Variants in TRDN observed in about 807,000 individuals in gnomAD.
TRDN encodes triadin.
Under a neutral mutation model 149.7 loss-of-function variants are expected in TRDN, and 161 were observed. That is an observed-to-expected ratio of 1.08 (90% confidence interval 0.95 to 1.23). The LOEUF is 1.23. TRDN is among the 50% of genes most tolerant of loss of function. The pLI, the probability that TRDN is intolerant of heterozygous loss-of-function variation, is 0.00. For synonymous variants in TRDN, 294 were observed against 250.5 expected (o/e 1.17, Z -1.64); for missense variants, 896 against 823.5 (o/e 1.09, Z -1.08).
At chr6:123,440,137 T>C (rs1055067497) in intron 10 of TRDN, among the ~76,000 whole-genome samples, 4 of 152,172 alleles carry the variant, frequency 2.6e-5, no homozygotes, top group Non-Finnish European at 5.9e-5. Flanking sequence ...GTATAGAGCT[T>C]TTTTACCTAC....
intron 5 of TRDN, among the ~76,000 whole-genome samples, chr6:123,520,236 T>A (rs895557616): frequency 3.3e-5 from 5 of 152,156 alleles, no homozygotes; most frequent in Non-Finnish European, 7.4e-5. Flanking sequence ...TATTATATTA[T>A]CCATTTTTCC....
intron 35 of TRDN, 66 bp from the exon 36 acceptor site, chr6:123,255,968 C>T: frequency 3.1e-6 from 3 of 961,996 alleles, no homozygotes; most frequent in Non-Finnish European, 4.1e-6. Context: ...ACTTTAAGTT[C>T]TGGGATACAT....
intron 1 of TRDN, among the ~76,000 whole-genome samples, chr6:123,610,696 T>C (rs1229201180): frequency 6.6e-6 from 1 of 152,202 alleles, no homozygotes; most frequent in African/African-American, 2.4e-5. Flanking sequence ...TAGAAGTTAA[T>C]GCAAGACCAG....
chr6:123,320,454 G>A (rs1300539922), intron 23 of TRDN, among the ~76,000 whole-genome samples: 1 of 151,824 alleles, frequency 6.6e-6, no homozygotes, highest in Non-Finnish European at 1.5e-5. Context: ...ACAAATATTT[G>A]TTGAAAAAAT....
At chr6:123,413,371 CA>C (rs1773521405) in intron 12 of TRDN, among the ~76,000 whole-genome samples, 1 of 152,192 alleles carries the variant, frequency 6.6e-6, no homozygotes, top group South Asian at 2.1e-4. Context: ...TGGCATCAAA[CA>C]ATCAAATTGT....
intron 9 of TRDN, among the ~76,000 whole-genome samples, chr6:123,493,523 C>T (rs542515585): frequency 1.3e-5 from 2 of 152,234 alleles, no homozygotes; most frequent in African/African-American, 4.8e-5. Flanking sequence ...CATCAGCAAG[C>T]GTTTTCAAAT....
chr6:123,381,276 A>G, intron 16 of TRDN, 94 bp downstream of exon 16: 1 of 1,186,010 alleles, frequency 8.4e-7, no homozygotes, highest in African/African-American at 1.5e-5. Flanking sequence ...AACATAGGAA[A>G]AGCGGATTCA....
At chr6:123,394,864 T>C (rs1772654733) in intron 12 of TRDN, among the ~76,000 whole-genome samples, 1 of 152,160 alleles carries the variant, frequency 6.6e-6, no homozygotes, top group African/African-American at 2.4e-5. Flanking sequence ...AATTAATTTT[T>C]TTTCTGGAGG....
intron 12 of TRDN, among the ~76,000 whole-genome samples, chr6:123,402,894 T>C (rs1351591838): frequency 6.6e-6 from 1 of 152,218 alleles, no homozygotes; most frequent in African/African-American, 2.4e-5. Context: ...GATTTTGGAC[T>C]TGATAAACAG....
At chr6:123,410,277 A>C (rs1391213110) in intron 12 of TRDN, among the ~76,000 whole-genome samples, 1 of 152,198 alleles carries the variant, frequency 6.6e-6, no homozygotes, top group Non-Finnish European at 1.5e-5. Context: ...GGGCAGATAT[A>C]AGAGATCAAA....
At chr6:123,580,765 G>A (rs1344780883) in intron 1 of TRDN, among the ~76,000 whole-genome samples, 1 of 152,180 alleles carries the variant, frequency 6.6e-6, no homozygotes, top group Non-Finnish European at 1.5e-5. Context: ...TCTTCTCTAT[G>A]TAAATAAAGC....
intron 9 of TRDN, among the ~76,000 whole-genome samples, chr6:123,474,648 A>G (rs1027432484): frequency 4.6e-5 from 7 of 152,090 alleles, no homozygotes; most frequent in African/African-American, 1.7e-4. Flanking sequence ...CACCACACCT[A>G]TTCCAAAATT....
chr6:123,338,039 A>G (rs1779938108), intron 21 of TRDN, among the ~76,000 whole-genome samples: 1 of 152,202 alleles, frequency 6.6e-6, no homozygotes, highest in Non-Finnish European at 1.5e-5. Flanking sequence ...TCCATGAGGT[A>G]TATAGGTTCT....
chr6:123,438,944 CT>C lies in TRDN; in HGVS notation c.990del (p.Glu331LysfsTer33). 6.4e-7 allele frequency: 1 copy of C among 1,557,952 alleles called. No homozygotes were observed. The highest frequency in any genetic ancestry group is 1.4e-5 in the African/African-American group (1 of 73,614). On this transcript the variant is annotated frameshift_variant and splice_region_variant, in exon 11 of 41. Transcript: ENST00000334268. LOFTEE classifies it high-confidence loss of function. The part of the protein sequence containing the change: ...EKKVTSETKK[K>X]EKEDIKKKSE... ...GGTACATGGCTTTTAAATTTCCTAC[CT>C]TTCTTTTTTGTTTCAGAAGTAACTT...
intron 2 of TRDN, among the ~76,000 whole-genome samples, chr6:123,560,607 G>A (rs992476893): frequency 1.3e-5 from 2 of 152,138 alleles, no homozygotes; most frequent in Non-Finnish European, 2.9e-5. Flanking sequence ...TCAGGACAAT[G>A]CTTATGCTGA....
intron 5 of TRDN, among the ~76,000 whole-genome samples, chr6:123,524,014 G>A (rs1006546209): frequency 6.6e-6 from 1 of 152,120 alleles, no homozygotes; most frequent in Non-Finnish European, 1.5e-5. Flanking sequence ...TGAATCATTA[G>A]GGCAGCTAGG....
chr6:123,489,633 TC>T (rs901363236), intron 9 of TRDN: 4 of 152,168 alleles, frequency 2.6e-5, no homozygotes, highest in African/African-American at 9.6e-5. Flanking sequence ...AACTTCATGA[TC>T]TTTTTTTTCT....
intron 5 of TRDN, among the ~76,000 whole-genome samples, chr6:123,526,461 A>T (rs1207648701): frequency 6.6e-6 from 1 of 152,024 alleles, no homozygotes; most frequent in African/African-American, 2.4e-5. Context: ...AGAAAATTGG[A>T]TATAGGATAT....
chr6:123,237,085 C>T (rs926803260), intron 38 of TRDN, among the ~76,000 whole-genome samples: 2 of 152,000 alleles, frequency 1.3e-5, no homozygotes, highest in South Asian at 2.1e-4. Flanking sequence ...TTTATCATCA[C>T]CTTGTGGTTT....
Sources: allele counts gnomAD v4.1 joint callset (sites outside exome capture counted in the v4.1 genomes callset), GRCh38; gene constraint gnomAD v4.1.1; transcripts MANE v1.5; gene names NCBI Gene and HGNC (gene_info 2026-07-23, HGNC 2026-07-21).